The following UMAD1 variants were observed in gnomAD, a reference collection of about 807,000 sequenced individuals.
UMAD1 encodes UBAP1-MVB12-associated (UMA) domain containing 1.
UMAD1 carries 8 observed loss-of-function variants against 6.1 expected under a neutral mutation model. That is an observed-to-expected ratio of 1.30 (90% CI 0.76 to 2.35). UMAD1 has a LOEUF of 2.35. Among genes scored for constraint, UMAD1 ranks in the 30% most tolerant of loss-of-function variants. The pLI is 0.00. For missense variants in UMAD1, 130 were observed against 78.4 expected, an observed-to-expected ratio of 1.66 and a Z score of -2.49; for synonymous variants, 56 against 31.4, an observed-to-expected ratio of 1.78 and a Z score of -2.61.
intron 3 of UMAD1, among the ~76,000 whole-genome samples, chr7:7,876,603 TAA>T (rs2115346876): frequency 1.3e-5 from 2 of 152,322 alleles, no homozygotes; most frequent in African/African-American, 4.8e-5. Flanking sequence ...TATCCTTTTT[TAA>T]AAAATTGCGT....
intron 3 of UMAD1, among the ~76,000 whole-genome samples, chr7:7,832,434 A>G (rs1026873264): frequency 6.6e-6 from 1 of 152,128 alleles, no homozygotes; most frequent in African/African-American, 2.4e-5. Flanking sequence ...CTTCCCAGAT[A>G]TGGCCTGGTG....
chr7:7,696,416 T>TA (rs925048564), intron 2 of UMAD1, among the ~76,000 whole-genome samples: 12 of 152,170 alleles, frequency 7.9e-5, no homozygotes, highest in East Asian at 1.9e-4. Flanking sequence ...TAATTTTCTA[T>TA]AAAAAAATAC....
At chr7:7,815,400 AG>A (rs1201089299) in intron 3 of UMAD1, among the ~76,000 whole-genome samples, 2 of 152,150 alleles carry the variant, frequency 1.3e-5, no homozygotes, top group Non-Finnish European at 2.9e-5. Context: ...ATCATGCCAG[AG>A]TAGAGTAGAA....
intron 1 of UMAD1, among the ~76,000 whole-genome samples, chr7:7,663,685 C>A (rs1785533065): frequency 6.6e-6 from 1 of 152,134 alleles, no homozygotes. Flanking sequence ...CAAAAGAGAA[C>A]TCAAAGCCTC....
At chr7:7,815,085 A>G (rs1400273147) in intron 3 of UMAD1, among the ~76,000 whole-genome samples, 1 of 152,172 alleles carries the variant, frequency 6.6e-6, no homozygotes, top group Non-Finnish European at 1.5e-5. Context: ...TAGAGGATGT[A>G]GGACAAGTGC....
intron 2 of UMAD1, among the ~76,000 whole-genome samples, chr7:7,716,674 G>A (rs1207444457): frequency 6.6e-6 from 1 of 152,228 alleles, no homozygotes; most frequent in African/African-American, 2.4e-5. Context: ...CGGCCGGCGC[G>A]GTGGCTCACG....
intron 2 of UMAD1, among the ~76,000 whole-genome samples, chr7:7,701,146 A>G (rs997602224): frequency 6.6e-6 from 1 of 152,198 alleles, no homozygotes; most frequent in African/African-American, 2.4e-5. Flanking sequence ...TTTAATAAAC[A>G]TGTTCTGTAT....
chr7:7,763,313 A>T (rs772551665), intron 2 of UMAD1, among the ~76,000 whole-genome samples: 11 of 152,162 alleles, frequency 7.2e-5, no homozygotes, highest in Non-Finnish European at 1.6e-4. Flanking sequence ...CAAGTTTGTT[A>T]TATGGGACTA....
chr7:7,724,030 A>G (rs957031511), intron 2 of UMAD1, among the ~76,000 whole-genome samples: 6 of 152,210 alleles, frequency 3.9e-5, no homozygotes, highest in African/African-American at 1.4e-4. Flanking sequence ...TTACAGACCC[A>G]GAACCCCTTG....
chr7:7,788,822 C>T (rs1057056825), intron 2 of UMAD1, among the ~76,000 whole-genome samples: 1 of 152,184 alleles, frequency 6.6e-6, no homozygotes, highest in African/African-American at 2.4e-5. Flanking sequence ...GACATCAAGA[C>T]TTAAGAAGAT....
intron 3 of UMAD1, among the ~76,000 whole-genome samples, chr7:7,861,702 T>TC (rs1367677434): frequency 6.6e-6 from 1 of 152,236 alleles, no homozygotes; most frequent in East Asian, 1.9e-4. Flanking sequence ...GTATGTGGAT[T>TC]ACTCTATATA....
At chr7:7,646,979 A>T (rs979437009) in intron 1 of UMAD1, among the ~76,000 whole-genome samples, 8 of 152,202 alleles carry the variant, frequency 5.3e-5, no homozygotes, top group Non-Finnish European at 1.0e-4. Context: ...AGCCCTCGCC[A>T]GGGACCCCAC....
chr7:7,800,645 C>G (rs559876497), intron 2 of UMAD1, among the ~76,000 whole-genome samples: 5 of 152,268 alleles, frequency 3.3e-5, no homozygotes, highest in African/African-American at 1.2e-4. Context: ...TATCAACAGG[C>G]TTATATTAAA....
intron 3 of UMAD1, among the ~76,000 whole-genome samples, chr7:7,856,636 T>C (rs1327889289): frequency 6.6e-6 from 1 of 152,264 alleles, no homozygotes; most frequent in Non-Finnish European, 1.5e-5. Flanking sequence ...ATTTTTCATA[T>C]GTTTTTTTCT....
chr7:7,649,511 T>C (rs1001803715), intron 1 of UMAD1, among the ~76,000 whole-genome samples: 6 of 152,250 alleles, frequency 3.9e-5, no homozygotes, highest in African/African-American at 1.4e-4. Flanking sequence ...GGGGAACATA[T>C]TCAAACCACA....
intron 1 of UMAD1, among the ~76,000 whole-genome samples, chr7:7,652,058 G>A (rs1785234195): frequency 6.6e-6 from 1 of 152,166 alleles, no homozygotes; most frequent in African/African-American, 2.4e-5. Flanking sequence ...AGTCCTGTAA[G>A]ACTTTGGGGT....
intron 2 of UMAD1, among the ~76,000 whole-genome samples, chr7:7,700,949 C>T (rs1248886219): frequency 6.6e-6 from 1 of 152,108 alleles, no homozygotes; most frequent in Non-Finnish European, 1.5e-5. Flanking sequence ...ACATGGAAGA[C>T]TGAGGCAAGA....
intron 2 of UMAD1, among the ~76,000 whole-genome samples, chr7:7,757,217 A>G (rs1781795979): frequency 6.6e-6 from 1 of 152,208 alleles, no homozygotes; most frequent in Non-Finnish European, 1.5e-5. Flanking sequence ...AGACTCTTCA[A>G]CTTCAAGACT....
chr7:7,784,511 A>ATT (rs531022882), intron 2 of UMAD1, among the ~76,000 whole-genome samples: 4 of 135,742 alleles, frequency 2.9e-5, no homozygotes, highest in African/African-American at 1.1e-4. Context: ...AATTTTTTGT[A>ATT]TTTTTTTTTT....
Sources: allele counts gnomAD v4.1 joint callset (sites outside exome capture counted in the v4.1 genomes callset), GRCh38; gene constraint gnomAD v4.1.1; transcripts MANE v1.5; gene names NCBI Gene and HGNC (gene_info 2026-07-23, HGNC 2026-07-21).